HLA-DPA1: variants seen among roughly 807,000 people sequenced by gnomAD.
HLA-DPA1 encodes the protein major histocompatibility complex, class II, DP alpha 1.
Under a neutral mutation model 21.5 loss-of-function variants are expected in HLA-DPA1, and 20 were observed. That is an observed-to-expected ratio of 0.93 (90% confidence interval 0.66 to 1.35). HLA-DPA1 has a LOEUF of 1.35. Among genes scored for constraint, HLA-DPA1 ranks in the 40% most tolerant of loss-of-function variants. HLA-DPA1 has a pLI of 0.00. For synonymous variants in HLA-DPA1, 123 were observed against 129.6 expected (o/e 0.95, Z 0.35); for missense variants, 279 against 323.0 (o/e 0.86, Z 1.05).
At chr6:33,074,384 C>T (rs1384561211) in intron 1 of HLA-DPA1, among the ~76,000 whole-genome samples, 1 of 152,040 alleles carries the variant, frequency 6.6e-6, no homozygotes, top group African/African-American at 2.4e-5. Flanking sequence ...AATGTGCGCC[C>T]ATATTTTGAT....
chr6:33,075,812 A>C (rs1762507507), intron 1 of HLA-DPA1: 5 of 542,074 alleles, frequency 9.2e-6, no homozygotes, highest in Admixed American at 6.7e-5. Flanking sequence ...TCTTAAGTGC[A>C]TCACAGGCTT....
At chr6:33,068,936 A>C in intron 4 of HLA-DPA1, 83 bp downstream of exon 3, 3 of 1,544,292 alleles carry the variant, frequency 1.9e-6, no homozygotes, top group Non-Finnish European at 2.7e-6. Context: ...AGACCCAGCC[A>C]GTGCGGAAAG....
exon 4 of HLA-DPA1, chr6:33,069,218 G>A: frequency 1.2e-6 from 2 of 1,613,016 alleles, no homozygotes; most frequent in Non-Finnish European, 1.7e-6. Flanking sequence ...CTGGTGGGAA[G>A]AACTTGTCAA....
rs2308909 is a variant in HLA-DPA1, at chr6:33,069,819, T to C, written c.168A>G (p.Glu56=). 2,117 of 1,611,064 alleles carry C rather than the reference T, an allele frequency of 1.3e-3. 37 individuals are homozygous for C. In the East Asian group the frequency reaches 0.014, roughly 11 times the overall value. The change falls in exon 3 of 6, where the codon GAA becomes GAG. Residue 56 remains glutamate, a synonymous_variant. Transcript: ENST00000419277. ...CATAGAACATCTCATCTTCATCAAA[T>C]TCAAACATAAACTCCCCTGTTGGTC...
intron 4 of HLA-DPA1, 57 bp from the exon 4 acceptor site, chr6:33,068,861 G>T: frequency 1.3e-6 from 2 of 1,586,066 alleles, no homozygotes; most frequent in Non-Finnish European, 1.7e-6. Context: ...GTGATGGCCT[G>T]GGATGGTTGT....
intron 1 of HLA-DPA1, 200 bp from the exon 1 acceptor site, chr6:33,073,849 G>C (rs555782627): frequency 1.4e-4 from 55 of 391,780 alleles, no homozygotes; most frequent in African/African-American, 1.1e-3. Context: ...TTCAGAGTTA[G>C]AGAAAGAGAT....
intron 1 of HLA-DPA1, among the ~76,000 whole-genome samples, chr6:33,074,627 A>AC (rs2150365102): frequency 1.3e-5 from 2 of 152,330 alleles, no homozygotes; most frequent in African/African-American, 4.8e-5. Flanking sequence ...TGGTAGCCTT[A>AC]CCTTGCATAA....
chr6:33,079,971 TGTG>T (rs1762749884), intron 1 of HLA-DPA1: 2 of 221,958 alleles, frequency 9.0e-6, no homozygotes, highest in South Asian at 1.2e-4. Flanking sequence ...CCCTGGTTGT[TGTG>T]GTGATTTTCA....
chr6:33,074,616 G>A (rs9394130), intron 1 of HLA-DPA1, among the ~76,000 whole-genome samples: 12,246 of 152,080 alleles, frequency 0.081, 1,363 homozygotes, highest in East Asian at 0.54. Flanking sequence ...TATCTTATTT[G>A]TGGTAGCCTT....
At chr6:33,067,045 T>TGCAACCCC (rs1397037945) in intron 5 of HLA-DPA1, 1 of 152,216 alleles carries the variant, frequency 6.6e-6, no homozygotes, top group African/African-American at 2.4e-5. Flanking sequence ...CCAGCAACCC[T>TGCAACCCC]GCAACCCCTT....
At position 33,077,368 on chromosome 6, in the gene HLA-DPA1, G is replaced by A. The variant is rs546810021; in HGVS notation, c.-100+3312C>T. On this transcript the variant is annotated intron_variant, in intron 1 of 5. Coordinates refer to ENST00000419277, the Ensembl canonical transcript of HLA-DPA1. ...AGTCTTTGCTATTGTGAATAGTGCC[G>A]CAATAAACATATGTGTGCATGTGTC... 5.3e-5 allele frequency among the ~76,000 whole-genome samples: 8 copies of A among 152,036 alleles called. No individual in the cohort carries two copies. In the East Asian group the frequency reaches 5.8e-4, roughly 11 times the overall value.
At chr6:33,079,560 A>C in intron 1 of HLA-DPA1, 1 of 378,324 alleles carries the variant, frequency 2.6e-6, no homozygotes. Flanking sequence ...AACTGGCGGA[A>C]ACCCAGAGGT....
chr6:33,066,217 A>G (rs114029303), intron 5 of HLA-DPA1: 58 of 152,356 alleles, frequency 3.8e-4, no homozygotes, highest in African/African-American at 1.3e-3. Flanking sequence ...CTACAATGTC[A>G]TAGTAATCAA....
intron 3 of HLA-DPA1, 117 bp from the exon 3 acceptor site, chr6:33,069,417 A>G: frequency 8.9e-7 from 1 of 1,123,240 alleles, no homozygotes; most frequent in East Asian, 2.5e-5. Flanking sequence ...GCTCTGAATC[A>G]CAGAGAGGGG....
chr6:33,073,066 TC>T (rs963174226), intron 2 of HLA-DPA1, among the ~76,000 whole-genome samples: 1 of 152,168 alleles, frequency 6.6e-6, no homozygotes, highest in African/African-American at 2.4e-5. Flanking sequence ...TGATAGTAGG[TC>T]ACTGTGTGCA....
At position 33,068,821 on chromosome 6, in the gene HLA-DPA1, G is replaced by A; in HGVS notation, c.629-17C>T. The stretch of plus-strand genomic sequence containing the variant: ...CTTGGGCCTCTGGGGGAAGAATGAA[G>A]AGATAGGGTCAGGAGGTGCAGTGAG... On this transcript the variant is annotated splice_polypyrimidine_tract_variant and intron_variant, in intron 4 of 5. Coordinates refer to ENST00000419277, the Ensembl canonical transcript of HLA-DPA1. The A allele has an allele frequency of 1.2e-6, 2 of 1,612,488 alleles. No homozygotes were observed. The highest frequency in any genetic ancestry group is 1.7e-6 in the Non-Finnish European group (2 of 1,179,590).
At position 33,069,018 on chromosome 6, in the gene HLA-DPA1, C is replaced by T. The variant is rs773120072; in HGVS notation, c.628+1G>A. On this transcript the variant is annotated splice_donor_variant, in intron 4 of 5. Transcript: ENST00000419277. LOFTEE classifies it high-confidence loss of function. ...TTATGGAGAGAAAAGCAGTTGCATACCCCAGTGCTTGAGGAGCGGCTGGTC... is the reference window on the plus strand; with the variant it reads ...TTATGGAGAGAAAAGCAGTTGCATATCCCAGTGCTTGAGGAGCGGCTGGTC... The T allele has an allele frequency of 7.4e-6, 12 of 1,612,602 alleles. No homozygotes were observed. In the East Asian group the frequency reaches 1.8e-4, roughly 24 times the overall value.
At chr6:33,070,019 G>C in intron 2 of HLA-DPA1, 133 bp from the exon 2 acceptor site, 1 of 720,708 alleles carries the variant, frequency 1.4e-6, no homozygotes. Flanking sequence ...GGACATATGG[G>C]GAAGAAGAAG....
At chr6:33,075,795 T>C in intron 1 of HLA-DPA1, 1 of 503,450 alleles carries the variant, frequency 2.0e-6, no homozygotes, top group Non-Finnish European at 3.5e-6. Context: ...CTGTCTTTCC[T>C]CCGTCATCTT....
Sources: allele counts gnomAD v4.1 joint callset (sites outside exome capture counted in the v4.1 genomes callset), GRCh38; gene constraint gnomAD v4.1.1; transcripts MANE v1.5; gene names NCBI Gene and HGNC (gene_info 2026-07-23, HGNC 2026-07-21).